Variants in SYN3 observed in about 807,000 individuals in gnomAD.
SYN3 encodes synapsin-3.
SYN3 carries 35 observed loss-of-function variants against 65.8 expected under a neutral mutation model. That is an observed-to-expected ratio of 0.53 (90% CI 0.41 to 0.70). The LOEUF (loss-of-function observed/expected upper bound fraction) is 0.70. SYN3 is among the 30% of genes least tolerant of loss of function. The pLI, the probability that SYN3 is intolerant of heterozygous loss-of-function variation, is 0.00. For missense variants in SYN3, 680 were observed against 749.0 expected, an observed-to-expected ratio of 0.91 and a Z score of 1.08; for synonymous variants, 270 against 292.9, an observed-to-expected ratio of 0.92 and a Z score of 0.80.
chr22:32,586,126 ATG>A (rs1416186347), intron 7 of SYN3, among the ~76,000 whole-genome samples: 2 of 150,696 alleles, frequency 1.3e-5, no homozygotes, highest in Admixed American at 6.6e-5. Context: ...ATATATGTAT[ATG>A]TATGTATATA....
At chr22:32,732,969 A>T (rs2061289726) in intron 6 of SYN3, among the ~76,000 whole-genome samples, 1 of 152,232 alleles carries the variant, frequency 6.6e-6, no homozygotes. Flanking sequence ...GAGGTTAAAA[A>T]AATTGTCCAG....
intron 6 of SYN3, among the ~76,000 whole-genome samples, chr22:32,619,541 T>C (rs2059566558): frequency 6.6e-6 from 1 of 152,234 alleles, no homozygotes; most frequent in Non-Finnish European, 1.5e-5. Flanking sequence ...TGTTACACTA[T>C]GAGCCCTTAA....
At chr22:32,807,879 G>A (rs1010124709) in intron 6 of SYN3, among the ~76,000 whole-genome samples, 79 of 152,216 alleles carry the variant, frequency 5.2e-4, no homozygotes, top group African/African-American at 1.8e-3. Context: ...TGCAACATGA[G>A]GGGATGGAGG....
intron 6 of SYN3, among the ~76,000 whole-genome samples, chr22:32,609,539 T>C (rs1233307724): frequency 2.0e-5 from 3 of 150,124 alleles, no homozygotes; most frequent in Non-Finnish European, 4.4e-5. Flanking sequence ...TACAGTGGCG[T>C]GGTCGTAGCT....
intron 10 of SYN3, among the ~76,000 whole-genome samples, chr22:32,531,904 AC>A (rs913175714): frequency 1.4e-4 from 3 of 22,222 alleles, no homozygotes; most frequent in Non-Finnish European, 1.7e-4. Context: ...CACTACTTTT[AC>A]TTTTTTTTTT....
intron 6 of SYN3, among the ~76,000 whole-genome samples, chr22:32,814,253 GAA>G (rs2047009462): frequency 1.6e-5 from 2 of 127,530 alleles, no homozygotes; most frequent in South Asian, 2.7e-4. Flanking sequence ...AAGAAGGAAA[GAA>G]AGAAAGAGGG....
intron 6 of SYN3, among the ~76,000 whole-genome samples, chr22:32,663,745 G>A (rs921725971): frequency 2.0e-5 from 3 of 152,062 alleles, no homozygotes; most frequent in Non-Finnish European, 4.4e-5. Context: ...TTTCATATTT[G>A]CATTTAAAAT....
At chr22:32,818,673 G>T (rs2047152507) in intron 6 of SYN3, among the ~76,000 whole-genome samples, 1 of 152,172 alleles carries the variant, frequency 6.6e-6, no homozygotes, top group African/African-American at 2.4e-5. Context: ...TGGGCCTCCT[G>T]CTTGGCCTCC....
At chr22:32,973,892 G>T (rs990250038) in intron 3 of SYN3, among the ~76,000 whole-genome samples, 1 of 152,204 alleles carries the variant, frequency 6.6e-6, no homozygotes, top group Non-Finnish European at 1.5e-5. Context: ...GGGTTCAAGC[G>T]ATTCTCCTGC....
At chr22:32,896,519 C>T (rs1271078555) in intron 4 of SYN3, among the ~76,000 whole-genome samples, 1 of 152,178 alleles carries the variant, frequency 6.6e-6, no homozygotes, top group Non-Finnish European at 1.5e-5. Flanking sequence ...AGGCTAAAAA[C>T]TTAACTGCCT....
intron 3 of SYN3, among the ~76,000 whole-genome samples, chr22:32,949,106 T>C (rs146845604): frequency 6.6e-6 from 1 of 152,274 alleles, no homozygotes; most frequent in East Asian, 1.9e-4. Flanking sequence ...TTGAGCATCA[T>C]ATCACTAAAA....
intron 4 of SYN3, among the ~76,000 whole-genome samples, chr22:32,894,326 T>G (rs934891088): frequency 1.3e-5 from 2 of 152,226 alleles, no homozygotes; most frequent in African/African-American, 4.8e-5. Flanking sequence ...ATTCTGTGAC[T>G]TTGCACAGGC....
chr22:33,021,466 A>G (rs2053558235), intron 1 of SYN3, among the ~76,000 whole-genome samples: 1 of 152,192 alleles, frequency 6.6e-6, no homozygotes, highest in South Asian at 2.1e-4. Flanking sequence ...ACAGCCTAAC[A>G]CCTGGCTCTC....
intron 6 of SYN3, among the ~76,000 whole-genome samples, chr22:32,759,528 T>C (rs540778505): frequency 6.6e-6 from 1 of 152,246 alleles, no homozygotes; most frequent in African/African-American, 2.4e-5. Context: ...ATGTAATTTC[T>C]TCCAACCTTG....
At chr22:32,578,883 G>C (rs1884150769) in intron 7 of SYN3, among the ~76,000 whole-genome samples, 1 of 152,184 alleles carries the variant, frequency 6.6e-6, no homozygotes, top group Non-Finnish European at 1.5e-5. Flanking sequence ...ATTGAACTCT[G>C]ATTTTGTAGT....
rs572951531 is a variant in SYN3 at position 32,664,957 on chromosome 22, C to T, written c.712-68221G>A. ...CTCAACCCCTCCCACCCTTTCCTCC[C>T]GAATCCCCAAAGTCCATTGTATAAT... On this transcript the variant is annotated intron_variant, in intron 6 of 13. Coordinates refer to ENST00000358763, the MANE Select transcript of SYN3 (RefSeq NM_003490.4). Among the ~76,000 whole-genome samples, 977 of 150,870 alleles carry T rather than the reference C, an allele frequency of 6.5e-3. 13 individuals are homozygous for T. The highest frequency in any genetic ancestry group is 0.023 in the African/African-American group (929 of 41,038).
At chr22:32,620,766 A>C (rs1440526410) in intron 6 of SYN3, among the ~76,000 whole-genome samples, 2 of 151,692 alleles carry the variant, frequency 1.3e-5, no homozygotes, top group East Asian at 3.9e-4. Context: ...GTTGCCCAGG[A>C]TGGAGTGCAA....
intron 4 of SYN3, among the ~76,000 whole-genome samples, chr22:32,890,535 C>T (rs779475300): frequency 1.8e-4 from 28 of 152,112 alleles, no homozygotes; most frequent in Admixed American, 1.3e-3. Flanking sequence ...CGCATGCCAC[C>T]ACGCCTGGCT....
chr22:32,687,697 T>A (rs2060609805), intron 6 of SYN3, among the ~76,000 whole-genome samples: 2 of 152,072 alleles, frequency 1.3e-5, no homozygotes, highest in African/African-American at 4.8e-5. Flanking sequence ...TCCCCCTTAC[T>A]ATAGTCTTTC....
Sources: gnomAD v4.1 joint callset for allele counts (sites outside exome capture counted in the v4.1 genomes callset) on GRCh38, gnomAD v4.1.1 for gene constraint, MANE v1.5 for transcripts, NCBI Gene and HGNC (gene_info 2026-07-23, HGNC 2026-07-21) for gene names.